The following LRMDA variants were observed in gnomAD, a reference collection of about 807,000 sequenced individuals.
LRMDA encodes leucine-rich melanocyte differentiation-associated protein.
In LRMDA, 18 loss-of-function variants were observed where a neutral mutation model predicts 29.8. The observed-to-expected ratio is 0.60, with a 90% CI of 0.42 to 0.90. LRMDA has a LOEUF of 0.90. Among genes scored for constraint, LRMDA ranks in the 40% least tolerant of loss-of-function variants. The probability of loss-of-function intolerance (pLI) is 0.00; values close to 1 mark genes in which losing one functional copy is unlikely to be tolerated. For synonymous variants in LRMDA, 125 were observed against 109.4 expected (o/e 1.14, Z -0.89); for missense variants, 273 against 273.9 (o/e 1.00, Z 0.02).
chr10:75,609,524 C>T (rs1056222917), intron 2 of LRMDA, among the ~76,000 whole-genome samples: 5 of 152,092 alleles, frequency 3.3e-5, no homozygotes, highest in Non-Finnish European at 7.4e-5. Flanking sequence ...GCATCTTGGG[C>T]GAATTCAGCA....
chr10:76,158,425 T>C lies in LRMDA; in HGVS notation c.516+99642T>C, dbSNP rs189030815. Among the ~76,000 whole-genome samples the C allele has an allele frequency of 1.6e-3, 242 of 152,280 alleles. 1 individual carries two copies. Among genetic ancestry groups the C allele is most frequent in the African/African-American group, 5.6e-3 (231 of 41,562 alleles). ...TGCCTTTAATTATTATTTATGTTTT[T>C]AGGCACTTATTCTACTTCTCCAAAC... On this transcript the variant is annotated intron_variant, in intron 5 of 6. Transcript: ENST00000611255.
rs377217275 is a variant in LRMDA, at chr10:75,782,791, C to G, written c.132-253217C>G. 2,230 of 1,418,226 alleles carry G rather than the reference C, an allele frequency of 1.6e-3. 52 individuals carry two copies. The South Asian group carries it at 0.031, about 20-fold the overall frequency. The allele number at this position is 1,418,226 out of a possible 1,614,324, so 87.9% of individuals were successfully genotyped here. ...AGAAAGAGGATCTGGCTGAAAGACC[C>G]GCAACTTTCACTTGTTGAGAACCTT... On this transcript the variant is annotated intron_variant, in intron 2 of 6. Transcript: ENST00000611255.
intron 2 of LRMDA, among the ~76,000 whole-genome samples, chr10:75,628,292 T>C (rs1414325538): frequency 6.6e-6 from 1 of 152,230 alleles, no homozygotes; most frequent in African/African-American, 2.4e-5. Flanking sequence ...TAAAATTCCC[T>C]GGCAAATGGC....
At chr10:76,099,678 A>C (rs1379769706) in intron 5 of LRMDA, among the ~76,000 whole-genome samples, 2 of 152,164 alleles carry the variant, frequency 1.3e-5, no homozygotes, top group Non-Finnish European at 2.9e-5. Flanking sequence ...AATTTCATAT[A>C]CTTGGCAATA....
chr10:76,066,984 GC>G (rs1848795255), intron 5 of LRMDA, among the ~76,000 whole-genome samples: 1 of 152,192 alleles, frequency 6.6e-6, no homozygotes. Flanking sequence ...AGTGTTCCCA[GC>G]ACCCAGGCCA....
At chr10:75,628,774 C>T (rs569715489) in intron 2 of LRMDA, among the ~76,000 whole-genome samples, 1 of 152,286 alleles carries the variant, frequency 6.6e-6, no homozygotes, top group South Asian at 2.1e-4. Flanking sequence ...CCCATTAGAA[C>T]TGCTGTGTCT....
chr10:75,578,069 C>A (rs1429861203), intron 2 of LRMDA, among the ~76,000 whole-genome samples: 1 of 151,606 alleles, frequency 6.6e-6, no homozygotes, highest in Non-Finnish European at 1.5e-5. Context: ...GGGCTAAATG[C>A]CCCAATTAAA....
intron 5 of LRMDA, among the ~76,000 whole-genome samples, chr10:76,082,699 G>A (rs376351754): frequency 2.0e-5 from 3 of 152,172 alleles, no homozygotes; most frequent in East Asian, 1.9e-4. Context: ...AATGGCAAAC[G>A]TTAGTGGGAT....
At chr10:76,311,175 A>C (rs1053432562) in intron 5 of LRMDA, among the ~76,000 whole-genome samples, 1 of 152,238 alleles carries the variant, frequency 6.6e-6, no homozygotes, top group African/African-American at 2.4e-5. Context: ...CCAAGAATGC[A>C]CACGTATCCT....
At chr10:76,513,723 C>A (rs1185751733) in intron 6 of LRMDA, among the ~76,000 whole-genome samples, 1 of 152,158 alleles carries the variant, frequency 6.6e-6, no homozygotes, top group African/African-American at 2.4e-5. Context: ...GCATTCAAGT[C>A]TACTTCTCAT....
intron 2 of LRMDA, among the ~76,000 whole-genome samples, chr10:75,675,762 G>T (rs1289923934): frequency 1.3e-5 from 2 of 151,818 alleles, no homozygotes; most frequent in African/African-American, 4.8e-5. Flanking sequence ...TTTTACAGTT[G>T]GTCTTGTTCT....
At chr10:75,839,857 C>T (rs1370591634) in intron 2 of LRMDA, among the ~76,000 whole-genome samples, 12 of 151,714 alleles carry the variant, frequency 7.9e-5, no homozygotes, top group African/African-American at 1.5e-4. Context: ...TACAGGCGCC[C>T]GCCACCGCGC....
At chr10:75,630,358 A>G (rs1347375414) in intron 2 of LRMDA, among the ~76,000 whole-genome samples, 1 of 152,236 alleles carries the variant, frequency 6.6e-6, no homozygotes, top group Non-Finnish European at 1.5e-5. Context: ...TTCGGAGACC[A>G]GTCTTCGCTG....
At chr10:76,099,904 G>A (rs1849370655) in intron 5 of LRMDA, among the ~76,000 whole-genome samples, 1 of 152,082 alleles carries the variant, frequency 6.6e-6, no homozygotes, top group African/African-American at 2.4e-5. Flanking sequence ...AAAATAATAT[G>A]TATTTTTACT....
At chr10:76,021,564 T>A (rs936754131) in intron 2 of LRMDA, among the ~76,000 whole-genome samples, 22 of 152,160 alleles carry the variant, frequency 1.4e-4, no homozygotes, top group African/African-American at 4.6e-4. Context: ...CTCTGCAACA[T>A]GAGGAAATAA....
chr10:75,873,514 T>C (rs1845146839), intron 2 of LRMDA, among the ~76,000 whole-genome samples: 1 of 152,202 alleles, frequency 6.6e-6, no homozygotes, highest in Non-Finnish European at 1.5e-5. Context: ...CAACTGGCTT[T>C]GTTCTTTGGG....
chr10:76,148,483 C>G (rs1288823803), intron 5 of LRMDA, among the ~76,000 whole-genome samples: 1 of 152,174 alleles, frequency 6.6e-6, no homozygotes, highest in African/African-American at 2.4e-5. Context: ...GCATAGGACC[C>G]TCCGAGCCAT....
chr10:75,991,851 T>C (rs1847375755), intron 2 of LRMDA, among the ~76,000 whole-genome samples: 1 of 152,156 alleles, frequency 6.6e-6, no homozygotes, highest in Non-Finnish European at 1.5e-5. Context: ...GTGTGGTTAC[T>C]ACAGACCTCC....
chr10:75,948,956 CT>C (rs1846525910), intron 2 of LRMDA, among the ~76,000 whole-genome samples: 1 of 151,806 alleles, frequency 6.6e-6, no homozygotes, highest in East Asian at 2.0e-4. Flanking sequence ...ATAAGACTGG[CT>C]TTGAGAACCC....
Sources: gnomAD v4.1 joint callset for allele counts (sites outside exome capture counted in the v4.1 genomes callset) on GRCh38, gnomAD v4.1.1 for gene constraint, MANE v1.5 for transcripts, NCBI Gene and HGNC (gene_info 2026-07-23, HGNC 2026-07-21) for gene names.